PCGF5: variants seen among roughly 807,000 people sequenced by gnomAD.
The protein encoded by PCGF5 is polycomb group RING finger protein 5.
PCGF5 carries 9 observed loss-of-function variants against 44.3 expected under a neutral mutation model. The observed-to-expected ratio is 0.20, with a 90% confidence interval of 0.12 to 0.35. The LOEUF (loss-of-function observed/expected upper bound fraction) is 0.35, where lower values mean the gene tolerates loss of function less well. PCGF5 is among the 10% of genes least tolerant of loss of function. The pLI, the probability that PCGF5 is intolerant of heterozygous loss-of-function variation, is 1.00. For missense variants in PCGF5, 146 were observed against 305.3 expected (o/e 0.48, Z 3.89); for synonymous variants, 95 against 102.5 (o/e 0.93, Z 0.44).
At chr10:91,204,443 T>G (rs1844304953) in intron 1 of PCGF5, among the ~76,000 whole-genome samples, 1 of 152,212 alleles carries the variant, frequency 6.6e-6, no homozygotes, top group East Asian at 1.9e-4. Context: ...TTAATTTAAT[T>G]CTTCTAGAAT....
chr10:91,229,722 A>G (rs1844948357), intron 2 of PCGF5, among the ~76,000 whole-genome samples: 1 of 152,136 alleles, frequency 6.6e-6, no homozygotes. Flanking sequence ...ATGATTCTGA[A>G]TGAATAGCCA....
At chr10:91,278,022 G>A (rs2133474737) in intron 9 of PCGF5, among the ~76,000 whole-genome samples, 1 of 152,222 alleles carries the variant, frequency 6.6e-6, no homozygotes, top group South Asian at 2.1e-4. Context: ...TATACAACCT[G>A]TATGATGTCT....
intron 2 of PCGF5, among the ~76,000 whole-genome samples, chr10:91,230,581 A>G (rs1018291093): frequency 5.3e-5 from 8 of 152,126 alleles, no homozygotes; most frequent in Non-Finnish European, 1.2e-4. Context: ...CAAATGATCA[A>G]TGTTATATTT....
chr10:91,164,187 G>T (rs1843452443), intron 1 of PCGF5, among the ~76,000 whole-genome samples: 1 of 152,222 alleles, frequency 6.6e-6, no homozygotes, highest in South Asian at 2.1e-4. Context: ...ACGCCCGGAG[G>T]GGCGGGGAAG....
At chr10:91,178,875 A>G (rs1197768995) in intron 1 of PCGF5, among the ~76,000 whole-genome samples, 1 of 152,222 alleles carries the variant, frequency 6.6e-6, no homozygotes, top group South Asian at 2.1e-4. Context: ...CCAACGTAAT[A>G]CATGAAGCAT....
intron 1 of PCGF5, among the ~76,000 whole-genome samples, chr10:91,185,299 G>A (rs1198718007): frequency 1.3e-5 from 2 of 150,326 alleles, no homozygotes; most frequent in East Asian, 3.9e-4. Flanking sequence ...GCCATGTTTT[G>A]GTAGAGCAGC....
chr10:91,228,000 T>G, intron 2 of PCGF5: 1 of 891,434 alleles, frequency 1.1e-6, no homozygotes, highest in Middle Eastern at 5.8e-4. Context: ...TCAAATGCAG[T>G]GATAGGTAAC....
intron 1 of PCGF5, among the ~76,000 whole-genome samples, chr10:91,172,216 G>T (rs760204949): frequency 6.6e-6 from 1 of 152,060 alleles, no homozygotes; most frequent in Non-Finnish European, 1.5e-5. Context: ...CTTGAGGTCA[G>T]GAGTTTGAAA....
At chr10:91,180,055 T>C (rs1231481586) in intron 1 of PCGF5, among the ~76,000 whole-genome samples, 1 of 152,226 alleles carries the variant, frequency 6.6e-6, no homozygotes, top group Admixed American at 6.5e-5. Context: ...TGGTGTGAGA[T>C]GGTATCTCAT....
At chr10:91,242,271 A>G (rs918820978) in intron 3 of PCGF5, among the ~76,000 whole-genome samples, 1 of 151,568 alleles carries the variant, frequency 6.6e-6, no homozygotes, top group African/African-American at 2.4e-5. Flanking sequence ...AAATGTCAGT[A>G]GTACTGCAGT....
intron 2 of PCGF5, chr10:91,227,482 A>C: frequency 7.8e-7 from 1 of 1,280,046 alleles, no homozygotes; most frequent in Non-Finnish European, 1.0e-6. Flanking sequence ...TCACTAACAA[A>C]ACTGGGCAAA....
Position 91,281,218 on chromosome 10 carries a change from T to C in PCGF5, c.*2902T>C, listed in dbSNP as rs1354207145. On this transcript the variant is annotated 3_prime_UTR_variant, in exon 10 of 10. Coordinates refer to ENST00000336126, the MANE Select transcript of PCGF5 (RefSeq NM_032373.5). ...TGATGAGGTAATACTCAGTCTGGAG[T>C]ACAGGTAACTTGGGTAATGCCTTTT... The C allele has an allele frequency of 5.9e-5, 9 of 152,352 alleles. No individual in the cohort carries two copies. Among genetic ancestry groups the C allele is most frequent in the African/African-American group, 2.2e-4 (9 of 41,432 alleles). 9.4% of individuals were successfully genotyped at this position (152,352 alleles called of 1,614,324 possible).
chr10:91,225,330 A>G (rs1844801105), intron 2 of PCGF5, among the ~76,000 whole-genome samples: 1 of 149,666 alleles, frequency 6.7e-6, no homozygotes. Context: ...GTATGTTCTC[A>G]ACAGCAATTT....
intron 5 of PCGF5, among the ~76,000 whole-genome samples, chr10:91,249,910 A>C (rs1056690316): frequency 6.6e-6 from 1 of 151,410 alleles, no homozygotes; most frequent in Non-Finnish European, 1.5e-5. Context: ...GTAAAAATAC[A>C]GATAAGATAA....
Position 91,263,237 on chromosome 10 carries a change from G to A in PCGF5, c.574-1194G>A, listed in dbSNP as rs117792163. Among the ~76,000 whole-genome samples, 847 of 152,284 alleles carry A rather than the reference G, an allele frequency of 5.6e-3. 1 individual carries two copies. Among genetic ancestry groups the A allele is most frequent in the Admixed American group, 0.011 (162 of 15,276 alleles). ...GTTTAGTTGTTAAACGACATTAACA[G>A]ATGCAATATACCTGATTAGCAAAAT... On this transcript the variant is annotated intron_variant, in intron 7 of 9. Transcript: ENST00000336126.
intron 9 of PCGF5, among the ~76,000 whole-genome samples, chr10:91,274,405 A>G (rs1380887400): frequency 6.6e-6 from 1 of 152,240 alleles, no homozygotes; most frequent in Non-Finnish European, 1.5e-5. Flanking sequence ...ATGAATAAAA[A>G]GAATAGCTCA....
At chr10:91,236,818 A>G (rs1269255718) in intron 2 of PCGF5, among the ~76,000 whole-genome samples, 1 of 152,186 alleles carries the variant, frequency 6.6e-6, no homozygotes, top group Non-Finnish European at 1.5e-5. Flanking sequence ...GTTGTGCTTT[A>G]ACAGTTTTTA....
intron 2 of PCGF5, chr10:91,227,488 G>T (rs770607409): frequency 3.1e-6 from 4 of 1,277,238 alleles, no homozygotes; most frequent in Non-Finnish European, 4.1e-6. Flanking sequence ...ACAAAACTGG[G>T]CAAAGTCCTG....
intron 2 of PCGF5, among the ~76,000 whole-genome samples, chr10:91,233,217 T>A (rs1057050061): frequency 6.6e-6 from 1 of 152,166 alleles, no homozygotes; most frequent in Non-Finnish European, 1.5e-5. Flanking sequence ...TACCAGCCTC[T>A]ATGACCTAGG....
Sources: gnomAD v4.1 joint callset for allele counts (sites outside exome capture counted in the v4.1 genomes callset) on GRCh38, gnomAD v4.1.1 for gene constraint, MANE v1.5 for transcripts, NCBI Gene and HGNC (gene_info 2026-07-23, HGNC 2026-07-21) for gene names.